The following DCUN1D4 variants were observed in gnomAD, a reference collection of about 807,000 sequenced individuals.
DCUN1D4 encodes the protein DCN1-like protein 4.
In DCUN1D4, 22 loss-of-function variants were observed where a neutral mutation model predicts 47.9. The observed-to-expected ratio is 0.46, with a 90% CI of 0.33 to 0.66. DCUN1D4 has a LOEUF of 0.66. DCUN1D4 is among the 30% of genes least tolerant of loss of function. The probability of loss-of-function intolerance (pLI) is 0.02; values close to 1 mark genes in which losing one functional copy is unlikely to be tolerated. For missense variants in DCUN1D4, 301 were observed against 340.8 expected (o/e 0.88, Z 0.92); for synonymous variants, 121 against 112.2 (o/e 1.08, Z -0.50).
intron 1 of DCUN1D4, among the ~76,000 whole-genome samples, chr4:51,858,922 C>A (rs952636433): frequency 2.0e-5 from 3 of 152,202 alleles, no homozygotes; most frequent in African/African-American, 7.2e-5. Context: ...TACAATCTGG[C>A]CCTTCATACA....
chr4:51,899,911 G>A (rs888218253), intron 8 of DCUN1D4, among the ~76,000 whole-genome samples: 5 of 152,154 alleles, frequency 3.3e-5, no homozygotes, highest in African/African-American at 7.2e-5. Context: ...GAGTCAAGTC[G>A]AAGTATGTGA....
chr4:51,910,783 A>T, intron 8 of DCUN1D4: 1 of 406,394 alleles, frequency 2.5e-6, no homozygotes. Context: ...ATCCCATGAA[A>T]AGCCTGTAGA....
chr4:51,875,730 C>A (rs192044462), intron 4 of DCUN1D4, among the ~76,000 whole-genome samples: 224 of 152,296 alleles, frequency 1.5e-3, no homozygotes, highest in Middle Eastern at 0.014. Flanking sequence ...CTTTGTGTCT[C>A]GCTTCTTTCA....
chr4:51,882,594 A>G (rs1728836471), intron 5 of DCUN1D4, among the ~76,000 whole-genome samples: 1 of 152,044 alleles, frequency 6.6e-6, no homozygotes, highest in South Asian at 2.1e-4. Context: ...GTGAAACCCC[A>G]TCTGTACTAA....
chr4:51,865,673 G>A (rs1577900813), intron 3 of DCUN1D4: 2 of 152,304 alleles, frequency 1.3e-5, no homozygotes, highest in East Asian at 3.9e-4. Flanking sequence ...GTTATAGTGT[G>A]TTTTTCTTTT....
chr4:51,863,588 T>TG, intron 2 of DCUN1D4, 81 bp downstream of exon 2: 1 of 1,578,046 alleles, frequency 6.3e-7, no homozygotes, highest in Non-Finnish European at 8.7e-7. Flanking sequence ...AAAATTTAGA[T>TG]TCTAGATATT....
intron 1 of DCUN1D4, among the ~76,000 whole-genome samples, chr4:51,857,439 C>T (rs774207766): frequency 6.6e-6 from 1 of 152,176 alleles, no homozygotes; most frequent in Non-Finnish European, 1.5e-5. Flanking sequence ...AAATAACTCT[C>T]CTGATCAGAA....
At chr4:51,843,398 T>A in intron 1 of DCUN1D4, 131 bp downstream of exon 1, 1 of 1,277,060 alleles carries the variant, frequency 7.8e-7, no homozygotes, top group Non-Finnish European at 1.0e-6. Context: ...GAACCACCCC[T>A]TCCCCTCCCG....
chr4:51,863,574 G>A, intron 2 of DCUN1D4, 67 bp downstream of exon 2: 1 of 1,578,444 alleles, frequency 6.3e-7, no homozygotes, highest in Non-Finnish European at 8.7e-7. Context: ...AAGTGTATTT[G>A]ATAAAAATTT....
upstream of DCUN1D4, chr4:51,842,965 A>G (rs951795921): frequency 9.1e-6 from 9 of 991,992 alleles, no homozygotes; most frequent in Non-Finnish European, 1.2e-5. Flanking sequence ...CAGGGGCGTT[A>G]CGGAGACAAG....
At chr4:51,868,721 G>T (rs1726365620) in intron 3 of DCUN1D4, among the ~76,000 whole-genome samples, 1 of 152,118 alleles carries the variant, frequency 6.6e-6, no homozygotes, top group East Asian at 1.9e-4. Flanking sequence ...CTCCTCTCAG[G>T]CCTTTCTTTT....
intron 8 of DCUN1D4, chr4:51,910,778 A>G: frequency 2.5e-6 from 1 of 397,898 alleles, no homozygotes; most frequent in Non-Finnish European, 4.4e-6. Flanking sequence ...TATTAATCCC[A>G]TGAAAAGCCT....
At chr4:51,900,539 G>C (rs1171850125) in intron 8 of DCUN1D4, among the ~76,000 whole-genome samples, 1 of 152,014 alleles carries the variant, frequency 6.6e-6, no homozygotes, top group Non-Finnish European at 1.5e-5. Context: ...TTTGAGACCA[G>C]CCTGGGTAAC....
At chr4:51,901,850 A>C (rs1249888386) in intron 8 of DCUN1D4, among the ~76,000 whole-genome samples, 3 of 152,194 alleles carry the variant, frequency 2.0e-5, no homozygotes, top group African/African-American at 7.2e-5. Context: ...AATAAATAAA[A>C]ACAACCATAT....
chr4:51,895,201 TA>T lies in DCUN1D4; in HGVS notation c.506+3363del, dbSNP rs1179962118. ...TCATTATATTTGGTTAAAATGCTGT[TA>T]AAAAAAAAAAAAGGTTACTGTATGA... On this transcript the variant is annotated intron_variant, in intron 7 of 10. Coordinates refer to ENST00000334635, the MANE Select transcript of DCUN1D4 (RefSeq NM_001040402.3). Among the ~76,000 whole-genome samples the T allele has an allele frequency of 5.4e-3, 762 of 141,980 alleles. 2 individuals are homozygous for T. Among genetic ancestry groups the T allele is most frequent in the Non-Finnish European group, 6.7e-3 (430 of 64,558 alleles). 93.1% of individuals were successfully genotyped at this position (141,980 alleles called of 152,430 possible). A position where few individuals can be genotyped will look rare whatever the true frequency, so the allele number is the denominator to read the frequency against.
At chr4:51,900,481 C>T (rs1731941151) in intron 8 of DCUN1D4, among the ~76,000 whole-genome samples, 1 of 152,002 alleles carries the variant, frequency 6.6e-6, no homozygotes, top group African/African-American at 2.4e-5. Context: ...TACCTGTAAC[C>T]CCAGCACTTT....
At chr4:51,862,974 G>C (rs917160084) in intron 1 of DCUN1D4, among the ~76,000 whole-genome samples, 1 of 152,146 alleles carries the variant, frequency 6.6e-6, no homozygotes, top group Non-Finnish European at 1.5e-5. Flanking sequence ...TTGCACCACT[G>C]CACTTCAGCC....
At chr4:51,834,107 T>TTTTTTC in the DCUN1D4 span, among the ~76,000 whole-genome samples, 8 of 123,970 alleles carry the variant, frequency 6.5e-5, 1 homozygote, top group African/African-American at 2.4e-4. Flanking sequence ...TTCTTTCTTT[T>TTTTTTC]TTTTTTCTTT....
intron 1 of DCUN1D4, among the ~76,000 whole-genome samples, chr4:51,848,682 G>A (rs754170341): frequency 2.0e-5 from 3 of 152,098 alleles, no homozygotes; most frequent in Non-Finnish European, 4.4e-5. Flanking sequence ...GTTTTAAGAA[G>A]GAAAACATTG....
Sources: gnomAD v4.1 joint callset for allele counts (sites outside exome capture counted in the v4.1 genomes callset) on GRCh38, gnomAD v4.1.1 for gene constraint, MANE v1.5 for transcripts, NCBI Gene and HGNC (gene_info 2026-07-23, HGNC 2026-07-21) for gene names.